Variants in PLEKHG1 observed in about 807,000 individuals in gnomAD.
PLEKHG1 encodes pleckstrin homology domain-containing family G member 1.
In PLEKHG1, 44 loss-of-function variants were observed where a neutral mutation model predicts 100.8. The ratio of observed to expected loss-of-function variants is 0.44; its 90% CI spans 0.34 to 0.56. The LOEUF (loss-of-function observed/expected upper bound fraction) is 0.56. Ranked by LOEUF, PLEKHG1 falls within the 20% of genes least tolerant of loss-of-function variation. PLEKHG1 has a pLI of 0.01. For missense variants in PLEKHG1, 1,545 were observed against 1,720.9 expected (o/e 0.90, Z 1.81); for synonymous variants, 640 against 662.5 (o/e 0.97, Z 0.52).
At chr6:150,684,052 G>T (rs953483690) in intron 3 of PLEKHG1, among the ~76,000 whole-genome samples, 2 of 152,206 alleles carry the variant, frequency 1.3e-5, no homozygotes, top group African/African-American at 2.4e-5. Context: ...CAGTCTATGT[G>T]CTGGGTACAT....
At chr6:150,782,503 G>T (rs1269431546) in intron 3 of PLEKHG1, among the ~76,000 whole-genome samples, 1 of 152,166 alleles carries the variant, frequency 6.6e-6, no homozygotes, top group Admixed American at 6.6e-5. Flanking sequence ...GTAATATGAA[G>T]GATGTTAGTG....
chr6:150,783,473 GA>G (rs1189094351), intron 3 of PLEKHG1, among the ~76,000 whole-genome samples: 1 of 151,704 alleles, frequency 6.6e-6, no homozygotes, highest in Non-Finnish European at 1.5e-5. Flanking sequence ...AGGCTCAAGT[GA>G]TTCTCCTGCC....
chr6:150,715,211 TTTTG>T (rs1187525573), intron 3 of PLEKHG1, among the ~76,000 whole-genome samples: 2 of 152,228 alleles, frequency 1.3e-5, no homozygotes, highest in African/African-American at 2.4e-5. Flanking sequence ...AAGTTAGCTT[TTTTG>T]TTTGTTTGAA....
At chr6:150,608,253 A>T (rs1776684260) in intron 1 of PLEKHG1, among the ~76,000 whole-genome samples, 1 of 152,168 alleles carries the variant, frequency 6.6e-6, no homozygotes, top group Non-Finnish European at 1.5e-5. Flanking sequence ...CTGAAAATGG[A>T]AGCAAATATT....
chr6:150,764,359 T>C (rs1784348998), intron 2 of PLEKHG1, among the ~76,000 whole-genome samples: 1 of 152,154 alleles, frequency 6.6e-6, no homozygotes, highest in Admixed American at 6.5e-5. Context: ...CCCTAGATGA[T>C]CCACCTGTGT....
chr6:150,640,185 C>G (rs562719940), intron 2 of PLEKHG1, among the ~76,000 whole-genome samples: 1 of 152,368 alleles, frequency 6.6e-6, no homozygotes, highest in South Asian at 2.1e-4. Flanking sequence ...GTTGATGGTG[C>G]AGAATGTGAT....
At chr6:150,705,195 T>C (rs1313466425) in intron 3 of PLEKHG1, among the ~76,000 whole-genome samples, 1 of 152,206 alleles carries the variant, frequency 6.6e-6, no homozygotes, top group Non-Finnish European at 1.5e-5. Context: ...ATTATGATAA[T>C]TGATGTATTA....
chr6:150,827,335 T>A (rs1466469995), intron 14 of PLEKHG1, among the ~76,000 whole-genome samples: 2 of 151,312 alleles, frequency 1.3e-5, no homozygotes, highest in Non-Finnish European at 2.9e-5. Context: ...TGGAGTGCAG[T>A]GGCACAATCT....
chr6:150,622,572 C>T (rs1487652546), intron 1 of PLEKHG1, among the ~76,000 whole-genome samples: 1 of 152,132 alleles, frequency 6.6e-6, no homozygotes, highest in East Asian at 1.9e-4. Context: ...AGTAATAAGA[C>T]AATACTCAGA....
chr6:150,818,056 A>G lies in PLEKHG1; in HGVS notation c.1279-127A>G, dbSNP rs1486565549. On this transcript the variant is annotated intron_variant, in intron 10 of 15. Coordinates refer to ENST00000358517, the Ensembl canonical transcript of PLEKHG1. ...CCTGCACTGTGTGTAAATGCTTAACATAAATAGCGAGTTTTTAAACGTTTT... is the reference window on the plus strand; with the variant it reads ...CCTGCACTGTGTGTAAATGCTTAACGTAAATAGCGAGTTTTTAAACGTTTT... 14 of 776,824 alleles carry G rather than the reference A, an allele frequency of 1.8e-5. No homozygotes were observed. The South Asian group carries it at 2.1e-4, about 12-fold the overall frequency. The allele number at this position is 776,824 out of a possible 1,614,324, so 48.1% of individuals were successfully genotyped here.
At chr6:150,730,700 C>A (rs188855823) in intron 1 of PLEKHG1, among the ~76,000 whole-genome samples, 1 of 151,978 alleles carries the variant, frequency 6.6e-6, no homozygotes, top group Non-Finnish European at 1.5e-5. Flanking sequence ...GTCAGGAGTT[C>A]GAGACCAGCC....
intron 2 of PLEKHG1, among the ~76,000 whole-genome samples, chr6:150,742,644 C>T (rs965592871): frequency 2.6e-5 from 4 of 151,416 alleles, no homozygotes; most frequent in Non-Finnish European, 5.9e-5. Context: ...AGCTCACTCA[C>T]TGTCCTGAGA....
chr6:150,747,078 G>A (rs542186668), intron 2 of PLEKHG1, among the ~76,000 whole-genome samples: 2 of 152,220 alleles, frequency 1.3e-5, no homozygotes, highest in African/African-American at 2.4e-5. Flanking sequence ...ACCGCCTGTA[G>A]GCAAAATTCT....
intron 2 of PLEKHG1, among the ~76,000 whole-genome samples, chr6:150,640,675 C>T (rs1157298024): frequency 3.9e-5 from 6 of 152,132 alleles, no homozygotes; most frequent in South Asian, 2.1e-4. Context: ...GTGTTTCACT[C>T]GTCGCCCTGA....
intron 3 of PLEKHG1, among the ~76,000 whole-genome samples, chr6:150,697,801 A>G (rs969040343): frequency 1.4e-4 from 21 of 152,240 alleles, no homozygotes; most frequent in Admixed American, 1.4e-3. Flanking sequence ...GCTTTCTTAC[A>G]GTGAGGAATC....
chr6:150,646,415 T>A (rs145902846), intron 2 of PLEKHG1, among the ~76,000 whole-genome samples: 29 of 152,228 alleles, frequency 1.9e-4, no homozygotes, highest in African/African-American at 6.5e-4. Flanking sequence ...GCCTAATTAA[T>A]GTCATTCAGA....
chr6:150,840,819 C>T, exon 16 of PLEKHG1: 1 of 1,613,972 alleles, frequency 6.2e-7, no homozygotes, highest in African/African-American at 1.3e-5. Context: ...TTGGAGGGGG[C>T]CATCTCCCAA....
exon 2 of PLEKHG1, chr6:150,733,758 G>A (rs747987577): frequency 6.2e-7 from 1 of 1,614,072 alleles, no homozygotes; most frequent in Non-Finnish European, 8.5e-7. Context: ...GACAGCCATG[G>A]TTCCTTCGGC....
chr6:150,691,817 A>G (rs1266547545), intron 3 of PLEKHG1, among the ~76,000 whole-genome samples: 1 of 152,256 alleles, frequency 6.6e-6, no homozygotes, highest in Non-Finnish European at 1.5e-5. Flanking sequence ...ATGTCAGATG[A>G]TAAAATCAGT....
Sources: allele counts gnomAD v4.1 joint callset (sites outside exome capture counted in the v4.1 genomes callset), GRCh38; gene constraint gnomAD v4.1.1; transcripts MANE v1.5; gene names NCBI Gene and HGNC (gene_info 2026-07-23, HGNC 2026-07-21).